The following IGF1R variants were observed in gnomAD, a reference collection of about 807,000 sequenced individuals.
IGF1R encodes the protein insulin like growth factor 1 receptor.
In IGF1R, 44 loss-of-function variants were observed where a neutral mutation model predicts 144.6. That is an observed-to-expected ratio of 0.30 (90% CI 0.24 to 0.39). IGF1R has a LOEUF of 0.39. Ranked by LOEUF, IGF1R falls within the 10% of genes least tolerant of loss-of-function variation. The pLI is 1.00. For synonymous variants in IGF1R, 795 were observed against 722.8 expected (o/e 1.10, Z -1.60); for missense variants, 1,355 against 1,833.7 (o/e 0.74, Z 4.77).
chr15:98,931,537 TTATTTC>T (rs1342435869), intron 15 of IGF1R, among the ~76,000 whole-genome samples: 2 of 152,118 alleles, frequency 1.3e-5, no homozygotes, highest in African/African-American at 4.8e-5. Flanking sequence ...AATAATGACT[TTATTTC>T]TATCTACATA....
chr15:98,901,535 G>T (rs2014482148), intron 5 of IGF1R, among the ~76,000 whole-genome samples: 1 of 152,176 alleles, frequency 6.6e-6, no homozygotes, highest in Admixed American at 6.5e-5. Flanking sequence ...TTTCTCCTTA[G>T]ACTCAGGGAC....
At chr15:98,852,250 G>A (rs531341166) in intron 2 of IGF1R, among the ~76,000 whole-genome samples, 39 of 152,332 alleles carry the variant, frequency 2.6e-4, no homozygotes, top group African/African-American at 9.1e-4. Context: ...TGTGGTGTGC[G>A]CCCTTCCTGC....
At chr15:98,795,225 G>T (rs933795686) in intron 2 of IGF1R, among the ~76,000 whole-genome samples, 2 of 152,194 alleles carry the variant, frequency 1.3e-5, no homozygotes, top group South Asian at 4.1e-4. Flanking sequence ...GCGAAAGAGG[G>T]TAGGAAAGGA....
chr15:98,948,474 C>A, intron 19 of IGF1R, 100 bp from the exon 20 acceptor site: 1 of 1,270,960 alleles, frequency 7.9e-7, no homozygotes, highest in Non-Finnish European at 1.1e-6. Flanking sequence ...ATAGTAAGGA[C>A]AGTTTATCTG....
chr15:98,869,631 C>A (rs2012673397), intron 2 of IGF1R, among the ~76,000 whole-genome samples: 1 of 152,062 alleles, frequency 6.6e-6, no homozygotes, highest in South Asian at 2.1e-4. Flanking sequence ...GATGGGGTTT[C>A]TCCATGTTGG....
At chr15:98,858,826 C>G (rs1447549522) in intron 2 of IGF1R, among the ~76,000 whole-genome samples, 4 of 152,226 alleles carry the variant, frequency 2.6e-5, no homozygotes, top group Non-Finnish European at 5.9e-5. Context: ...AACAGCCAAA[C>G]TTCCTCTTTC....
chr15:98,706,739 A>G (rs1241483382), intron 1 of IGF1R, among the ~76,000 whole-genome samples: 1 of 152,154 alleles, frequency 6.6e-6, no homozygotes, highest in East Asian at 1.9e-4. Flanking sequence ...GATTTCACTT[A>G]CCTTCATTTA....
chr15:98,731,791 TG>T (rs2054503182), intron 2 of IGF1R, among the ~76,000 whole-genome samples: 1 of 152,340 alleles, frequency 6.6e-6, no homozygotes, highest in African/African-American at 2.4e-5. Flanking sequence ...GTGAGCCGGT[TG>T]GTCTAGGCCA....
At chr15:98,655,430 T>C (rs1024679137) in intron 1 of IGF1R, among the ~76,000 whole-genome samples, 1 of 152,214 alleles carries the variant, frequency 6.6e-6, no homozygotes, top group African/African-American at 2.4e-5. Flanking sequence ...GCTTTACTTA[T>C]GTTTTATTTT....
In IGF1R at chr15:98,708,085, G is replaced by T; in HGVS notation, c.618G>T (p.Trp206Cys). 1.9e-6 allele frequency: 3 copies of T among 1,613,666 alleles called. No individual in the cohort carries two copies. In the South Asian group the frequency reaches 3.3e-5, roughly 18 times the overall value. Reference protein sequence around the residue: ...TINNEYNYRCWTTNRCQKMCP... With the variant: ...TINNEYNYRCCTTNRCQKMCP... ...ACAATGAGTACAACTACCGCTGCTG[G>T]ACCACAAACCGCTGCCAGAAAAGTA... Residue 206 changes from tryptophan (W) to cysteine (C), a missense_variant, in exon 2 of 21, where the codon TGG (tryptophan) becomes TGT (cysteine). Trp to Cys is a radical substitution (Grantham distance 215). Transcript: ENST00000650285.
intron 2 of IGF1R, among the ~76,000 whole-genome samples, chr15:98,802,607 A>G (rs961813531): frequency 1.3e-5 from 2 of 152,244 alleles, no homozygotes; most frequent in Non-Finnish European, 2.9e-5. Context: ...GTATGCACGA[A>G]TTCACATCTG....
rs557603064 is a variant in IGF1R, at chr15:98,924,743, C to T, written c.2782+59C>T. On this transcript the variant is annotated intron_variant, in intron 13 of 20. Coordinates refer to ENST00000650285, the MANE Select transcript of IGF1R (RefSeq NM_000875.5). ...AACTGAAAGCAGGGTGGTCCAGGAT[C>T]AGGACAGCCCGAGTGTTCATGGCTG... is the stretch of plus-strand genomic sequence containing the variant. 104 of 1,455,756 alleles carry T rather than the reference C, an allele frequency of 7.1e-5. No individual in the cohort carries two copies. In the Middle Eastern group the frequency reaches 9.5e-4, roughly 13 times the overall value. The allele number at this position is 1,455,756 out of a possible 1,614,324, so 90.2% of individuals were successfully genotyped here.
intron 2 of IGF1R, among the ~76,000 whole-genome samples, chr15:98,719,093 A>G (rs1467111718): frequency 6.6e-6 from 1 of 152,210 alleles, no homozygotes; most frequent in Non-Finnish European, 1.5e-5. Context: ...TCCTCAGTGA[A>G]CTTGAAATGA....
intron 3 of IGF1R, among the ~76,000 whole-genome samples, chr15:98,894,634 C>A (rs1465188903): frequency 1.3e-5 from 2 of 152,186 alleles, no homozygotes; most frequent in Non-Finnish European, 2.9e-5. Context: ...CCAGGCACGG[C>A]GGCTCACGCC....
At chr15:98,776,251 C>T (rs377189812) in intron 2 of IGF1R, among the ~76,000 whole-genome samples, 61 of 150,980 alleles carry the variant, frequency 4.0e-4, no homozygotes, top group African/African-American at 1.4e-3. Flanking sequence ...GTGGTGTGAT[C>T]TCAGGTCACT....
At chr15:98,918,523 T>C (rs958661812) in intron 10 of IGF1R, among the ~76,000 whole-genome samples, 2 of 152,134 alleles carry the variant, frequency 1.3e-5, no homozygotes, top group African/African-American at 2.4e-5. Context: ...ATTATTTCCT[T>C]TTGAGAGTGC....
rs146905826 is a variant in IGF1R, at chr15:98,913,160, A to G, written c.1706A>G (p.His569Arg). ...NKDVEPGILL[H>R]GLKPWTQYAV... ...GACGTGGAGCCCGGCATCTTACTAC[A>G]TGGGCTGAAGCCCTGGACTCAGTAC... is the stretch of plus-strand genomic sequence containing the variant. The change falls in exon 8 of 21, where the codon CAT becomes CGT. Residue 569 changes from histidine to arginine, a missense_variant. His to Arg is a conservative substitution (Grantham distance 29, BLOSUM62 0). Coordinates refer to ENST00000650285, the MANE Select transcript of IGF1R (RefSeq NM_000875.5). The G allele has an allele frequency of 9.3e-6, 15 of 1,614,040 alleles. No homozygotes were observed. The highest frequency in any genetic ancestry group is 1.7e-5 in the Admixed American group (1 of 59,974).
chr15:98,677,261 T>A (rs773025475), intron 1 of IGF1R, among the ~76,000 whole-genome samples: 1 of 152,186 alleles, frequency 6.6e-6, no homozygotes, highest in Non-Finnish European at 1.5e-5. Flanking sequence ...TAGGTGATTA[T>A]TGGTTGTGTG....
rs142688152 is a variant in IGF1R at position 98,680,167 on chromosome 15, C to G, written c.95-27395C>G. Among the ~76,000 whole-genome samples the G allele has an allele frequency of 3.6e-3, 553 of 152,106 alleles. 5 individuals are homozygous for G. The highest frequency in any genetic ancestry group is 0.013 in the African/African-American group (523 of 41,502). On this transcript the variant is annotated intron_variant, in intron 1 of 20. Coordinates refer to ENST00000650285, the MANE Select transcript of IGF1R (RefSeq NM_000875.5). Reference sequence around the variant, plus strand: ...AGTCTACAGTAGTGTACAGTAATGTCCTCAGCCTTCACATTCACTCACCAC... The same window carrying G: ...AGTCTACAGTAGTGTACAGTAATGTGCTCAGCCTTCACATTCACTCACCAC...
Sources: gnomAD v4.1 joint callset for allele counts (sites outside exome capture counted in the v4.1 genomes callset) on GRCh38, gnomAD v4.1.1 for gene constraint, MANE v1.5 for transcripts, NCBI Gene and HGNC (gene_info 2026-07-23, HGNC 2026-07-21) for gene names.